Variants in NTM observed in about 807,000 individuals in gnomAD.
NTM encodes IgLON family member 2.
NTM carries 13 observed loss-of-function variants against 42.1 expected under a neutral mutation model. The observed-to-expected ratio is 0.31, with a 90% CI of 0.20 to 0.49. The LOEUF is 0.49. Among genes scored for constraint, NTM ranks in the 20% least tolerant of loss-of-function variants. The probability of loss-of-function intolerance (pLI) is 0.99; values close to 1 mark genes in which losing one functional copy is unlikely to be tolerated. For synonymous variants in NTM, 187 were observed against 179.2 expected (o/e 1.04, Z -0.35); for missense variants, 373 against 452.8 (o/e 0.82, Z 1.60).
chr11:131,513,405 G>A (rs547135631), intron 1 of NTM, among the ~76,000 whole-genome samples: 2 of 152,050 alleles, frequency 1.3e-5, no homozygotes, highest in Non-Finnish European at 2.9e-5. Context: ...AGATGGCCAA[G>A]CCAGCTAGAC....
At chr11:131,657,459 CTCT>C (rs1488179141) in intron 1 of NTM, among the ~76,000 whole-genome samples, 6 of 152,312 alleles carry the variant, frequency 3.9e-5, no homozygotes, top group Non-Finnish European at 7.4e-5. Flanking sequence ...AAGGGCCAGC[CTCT>C]TCTTCGAAGT....
At chr11:132,318,126 G>A (rs184636612) in intron 7 of NTM, among the ~76,000 whole-genome samples, 67 of 152,274 alleles carry the variant, frequency 4.4e-4, no homozygotes, top group Admixed American at 1.6e-3. Context: ...GGCTCATGAG[G>A]TTCTCCAAAG....
intron 4 of NTM, among the ~76,000 whole-genome samples, chr11:132,250,530 TC>T (rs1224769058): frequency 6.6e-6 from 1 of 152,070 alleles, no homozygotes; most frequent in Non-Finnish European, 1.5e-5. Flanking sequence ...ACAAGACCCC[TC>T]CCTCTGTCAA....
At chr11:132,255,555 C>T (rs998365928) in intron 4 of NTM, among the ~76,000 whole-genome samples, 2 of 152,228 alleles carry the variant, frequency 1.3e-5, no homozygotes, top group South Asian at 2.1e-4. Flanking sequence ...TCTCAATTCA[C>T]CTTTCAGAAT....
intron 2 of NTM, among the ~76,000 whole-genome samples, chr11:132,085,466 C>A (rs895720265): frequency 6.6e-6 from 1 of 152,170 alleles, no homozygotes; most frequent in African/African-American, 2.4e-5. Flanking sequence ...CAGTTTATAA[C>A]CTTAAAACAT....
intron 1 of NTM, among the ~76,000 whole-genome samples, chr11:131,909,454 G>T (rs535688329): frequency 6.8e-6 from 1 of 147,250 alleles, no homozygotes; most frequent in African/African-American, 2.5e-5. Context: ...TTATTTAACA[G>T]TTGTTAACAA....
chr11:131,640,749 C>T (rs2065031250), intron 1 of NTM, among the ~76,000 whole-genome samples: 1 of 152,164 alleles, frequency 6.6e-6, no homozygotes, highest in Admixed American at 6.5e-5. Context: ...CACTCTAAAA[C>T]TACTGAAGCA....
intron 1 of NTM, among the ~76,000 whole-genome samples, chr11:131,778,759 G>A (rs139910477): frequency 3.8e-4 from 58 of 152,024 alleles, no homozygotes; most frequent in African/African-American, 9.2e-4. Context: ...TCAATTTTCC[G>A]GTTAACTATT....
chr11:131,904,851 C>G (rs1189339058), intron 1 of NTM, among the ~76,000 whole-genome samples: 1 of 152,130 alleles, frequency 6.6e-6, no homozygotes, highest in Non-Finnish European at 1.5e-5. Flanking sequence ...GGGGTGGGAG[C>G]TGGGGGGCCA....
At chr11:131,780,794 G>C (rs1373191600) in intron 1 of NTM, among the ~76,000 whole-genome samples, 2 of 152,146 alleles carry the variant, frequency 1.3e-5, no homozygotes, top group Non-Finnish European at 2.9e-5. Context: ...GGTCCTTATG[G>C]TTCCCAGGTG....
At chr11:131,886,476 C>T (rs2050415786) in intron 1 of NTM, among the ~76,000 whole-genome samples, 1 of 152,232 alleles carries the variant, frequency 6.6e-6, no homozygotes, top group African/African-American at 2.4e-5. Context: ...TTATCCAGTC[C>T]TGAGTTGAGT....
In NTM at chr11:132,303,656, A is replaced by C. The variant is rs1011803903; in HGVS notation, c.527-4033A>C. Reference sequence around the variant, plus strand: ...TAGGGTGTTTGCAAGGAAGAGTTAAAATTTGAAAGAAAGGTGGTATTTGCT... The same window carrying C: ...TAGGGTGTTTGCAAGGAAGAGTTAACATTTGAAAGAAAGGTGGTATTTGCT... On this transcript the variant is annotated intron_variant, in intron 4 of 8. Coordinates refer to ENST00000683400, the MANE Select transcript of NTM (RefSeq NM_001352005.2). Among the ~76,000 whole-genome samples, 73 of 152,016 alleles carry C rather than the reference A, an allele frequency of 4.8e-4. 1 individual carries two copies. The highest frequency in any genetic ancestry group is 7.7e-4 in the East Asian group (4 of 5,174).
intron 1 of NTM, among the ~76,000 whole-genome samples, chr11:131,886,951 A>C (rs2050506807): frequency 6.6e-6 from 1 of 152,232 alleles, no homozygotes; most frequent in African/African-American, 2.4e-5. Flanking sequence ...GTAGCTCCGC[A>C]AGCGAGCACT....
chr11:131,612,429 G>A (rs376915839), intron 1 of NTM, among the ~76,000 whole-genome samples: 11 of 152,290 alleles, frequency 7.2e-5, no homozygotes, highest in Admixed American at 5.9e-4. Flanking sequence ...AGTGCTCCTC[G>A]CAATTTTTAT....
chr11:131,818,177 T>C (rs1428600423), intron 1 of NTM, among the ~76,000 whole-genome samples: 8 of 152,150 alleles, frequency 5.3e-5, no homozygotes, highest in Non-Finnish European at 1.0e-4. Flanking sequence ...TTACAGTGAT[T>C]TCCAGGGAAT....
intron 1 of NTM, among the ~76,000 whole-genome samples, chr11:131,667,672 A>C (rs946149748): frequency 6.6e-6 from 1 of 152,180 alleles, no homozygotes; most frequent in African/African-American, 2.4e-5. Flanking sequence ...GCTTCTCTCA[A>C]CAGGAATAGC....
chr11:131,383,870 G>A (rs1460436161), intron 1 of NTM, among the ~76,000 whole-genome samples: 2 of 152,144 alleles, frequency 1.3e-5, no homozygotes, highest in Non-Finnish European at 2.9e-5. Context: ...AGGAAAGGGA[G>A]CCTCCTAAGG....
chr11:131,779,287 G>A (rs775374268), intron 1 of NTM, among the ~76,000 whole-genome samples: 47 of 152,126 alleles, frequency 3.1e-4, no homozygotes, highest in Non-Finnish European at 5.9e-5. Context: ...GAGAACTCAG[G>A]AAATTATGAC....
At chr11:131,424,595 C>CTTTTTTTTTTTTTTTTTTTTTTTTTTTT (rs1446801058) in intron 1 of NTM, among the ~76,000 whole-genome samples, 7 of 39,624 alleles carry the variant, frequency 1.8e-4, no homozygotes, top group Admixed American at 5.0e-4. Context: ...TATTTCTTTT[C>CTTTTTTTTTTTTTTTTTTTTTTTTTTTT]TTTTCTTTTT....
Sources: allele counts gnomAD v4.1 joint callset (sites outside exome capture counted in the v4.1 genomes callset), GRCh38; gene constraint gnomAD v4.1.1; transcripts MANE v1.5; gene names NCBI Gene and HGNC (gene_info 2026-07-23, HGNC 2026-07-21).